The following RYR3 variants were observed in gnomAD, a reference collection of about 807,000 sequenced individuals.
RYR3 encodes the protein brain ryanodine receptor-calcium release channel.
A neutral mutation model predicts 584.3 loss-of-function variants in RYR3; 207 were observed. The observed-to-expected ratio is 0.35, with a 90% confidence interval of 0.32 to 0.40. RYR3 has a LOEUF of 0.40. RYR3 is among the 10% of genes least tolerant of loss of function. The pLI, the probability that RYR3 is intolerant of heterozygous loss-of-function variation, is 1.00. For synonymous variants in RYR3, 2,416 were observed against 2,248.5 expected (o/e 1.07, Z -2.11); for missense variants, 5,616 against 6,089.2 (o/e 0.92, Z 2.59).
intron 67 of RYR3, among the ~76,000 whole-genome samples, chr15:33,795,327 T>G (rs556274537): frequency 6.6e-6 from 1 of 152,008 alleles, no homozygotes; most frequent in South Asian, 2.1e-4. Flanking sequence ...GTGCTTCGTT[T>G]CCGCATGCCA....
Position 33,678,358 on chromosome 15 carries a change from C to T in RYR3, c.5860+7802C>T, listed in dbSNP as rs115215698. On this transcript the variant is annotated intron_variant, in intron 38 of 103. Coordinates refer to ENST00000634891, the MANE Select transcript of RYR3 (RefSeq NM_001036.6). ...TCTGGTTGTTTGAAAGTGTATAGTTCTTCCCCCTTCATACGCACTCTCTCT... is the reference window on the plus strand; with the variant it reads ...TCTGGTTGTTTGAAAGTGTATAGTTTTTCCCCCTTCATACGCACTCTCTCT... Among the ~76,000 whole-genome samples the T allele has an allele frequency of 8.6e-3, 1,307 of 152,240 alleles. 19 individuals are homozygous for T. The highest frequency in any genetic ancestry group is 0.03 in the African/African-American group (1,229 of 41,542).
At chr15:33,557,678 C>T (rs1486243807) in intron 10 of RYR3, among the ~76,000 whole-genome samples, 3 of 152,126 alleles carry the variant, frequency 2.0e-5, no homozygotes, top group African/African-American at 4.8e-5. Flanking sequence ...CCACCATGCC[C>T]GGCCGGGTTC....
chr15:33,352,604 G>A (rs1426162606), intron 1 of RYR3, among the ~76,000 whole-genome samples: 2 of 152,112 alleles, frequency 1.3e-5, no homozygotes, highest in Non-Finnish European at 2.9e-5. Flanking sequence ...TCAGCTGCGT[G>A]GCTTTAAAAA....
chr15:33,852,671 C>T, intron 94 of RYR3: 1 of 190,380 alleles, frequency 5.3e-6, no homozygotes, highest in South Asian at 9.0e-5. Context: ...AGTAGTGACT[C>T]ATTGAATGGA....
At chr15:33,350,643 C>G (rs1567074737) in intron 1 of RYR3, among the ~76,000 whole-genome samples, 1 of 151,882 alleles carries the variant, frequency 6.6e-6, no homozygotes. Context: ...AACTGAACAA[C>G]CTGCTCCTGA....
intron 67 of RYR3, among the ~76,000 whole-genome samples, chr15:33,799,153 C>T (rs958041895): frequency 6.6e-6 from 1 of 152,164 alleles, no homozygotes; most frequent in African/African-American, 2.4e-5. Flanking sequence ...TGGCACAGAG[C>T]TCCCAAAACT....
At chr15:33,739,756 G>A (rs1280199057) in intron 50 of RYR3, 76 bp from the exon 51 acceptor site, 2 of 1,253,874 alleles carry the variant, frequency 1.6e-6, no homozygotes, top group African/African-American at 3.0e-5. Flanking sequence ...TCTGTTTTCA[G>A]CTGATTGGTG....
chr15:33,798,061 C>G (rs115898150), intron 67 of RYR3, among the ~76,000 whole-genome samples: 2,650 of 147,948 alleles, frequency 0.018, 74 homozygotes, highest in African/African-American at 0.06. Context: ...CGTTAGAAAG[C>G]CTCATGCCTT....
At chr15:33,813,324 T>TA in intron 73 of RYR3, 143 bp from the exon 74 acceptor site, 1 of 688,520 alleles carries the variant, frequency 1.5e-6, no homozygotes, top group Non-Finnish European at 2.5e-6. Flanking sequence ...ACAACTGAAA[T>TA]CATCTGCTCC....
At chr15:33,840,922 G>A in intron 90 of RYR3, 39 bp downstream of exon 90, 1 of 1,595,990 alleles carries the variant, frequency 6.3e-7, no homozygotes, top group Admixed American at 1.7e-5. Context: ...CATTGCTATG[G>A]TAGATAATTC....
At chr15:33,649,311 ACACC>A in intron 31 of RYR3, 76 bp downstream of exon 31, 2 of 1,387,604 alleles carry the variant, frequency 1.4e-6, no homozygotes, top group Non-Finnish European at 2.0e-6. Flanking sequence ...CTTCCACCCC[ACACC>A]CAAAGAAGGA....
chr15:33,757,426 A>G (rs1322743761), intron 59 of RYR3, 49 bp from the exon 60 acceptor site: 1 of 1,568,260 alleles, frequency 6.4e-7, no homozygotes, highest in Non-Finnish European at 8.7e-7. Flanking sequence ...GAACCAAATG[A>G]AGAGTTTTGG....
chr15:33,845,164 G>A, intron 93 of RYR3, 102 bp downstream of exon 93: 1 of 1,209,122 alleles, frequency 8.3e-7, no homozygotes. Flanking sequence ...TAGCCGTAAA[G>A]GCCTTCGTAA....
chr15:33,491,548 T>C (rs1836549), intron 2 of RYR3, among the ~76,000 whole-genome samples: 2,391 of 152,310 alleles, frequency 0.016, 59 homozygotes, highest in African/African-American at 0.055. Flanking sequence ...CTGCCTAGTG[T>C]TGCCAAGTGA....
chr15:33,760,282 A>G (rs2072298451), intron 60 of RYR3, among the ~76,000 whole-genome samples: 1 of 152,242 alleles, frequency 6.6e-6, no homozygotes, highest in Admixed American at 6.5e-5. Context: ...CACAGAGAAC[A>G]ATGGTAACCT....
Position 33,601,412 on chromosome 15 carries a change from G to C in RYR3, c.1789-7G>C. 6.2e-7 allele frequency: 1 copy of C among 1,611,576 alleles called. No individual in the cohort carries two copies. ...TCCTAAGGTTTGGTGGGTGTGTCCTGCTGCAGGTTCTGGATATCCTGTGCT... is the reference window on the plus strand; with the variant it reads ...TCCTAAGGTTTGGTGGGTGTGTCCTCCTGCAGGTTCTGGATATCCTGTGCT... On this transcript the variant is annotated splice_region_variant and splice_polypyrimidine_tract_variant and intron_variant, in intron 16 of 103. Coordinates refer to ENST00000634891, the MANE Select transcript of RYR3 (RefSeq NM_001036.6).
At position 33,563,029 on chromosome 15, in the gene RYR3, GTC is replaced by G. The variant is rs2057496197; in HGVS notation, c.1146+21_1146+22del. On this transcript the variant is annotated intron_variant, in intron 11 of 103. Coordinates refer to ENST00000634891, the MANE Select transcript of RYR3 (RefSeq NM_001036.6). ...AAGAAAGGTGAGAGTCAGAATATCTGTCTACAATTGTTTTACCCTGAGTTGGA... is the reference window on the plus strand; with the variant it reads ...AAGAAAGGTGAGAGTCAGAATATCTGTACAATTGTTTTACCCTGAGTTGGA... 6.3e-7 allele frequency: 1 copy of G among 1,589,620 alleles called. No individual in the cohort carries two copies. The highest frequency in any genetic ancestry group is 8.6e-7 in the Non-Finnish European group (1 of 1,166,354).
Position 33,853,091 on chromosome 15 carries a change from T to A in RYR3, c.13671+4T>A. 1 of 1,590,720 alleles carries A rather than the reference T, an allele frequency of 6.3e-7. No homozygotes were observed. The highest frequency in any genetic ancestry group is 2.3e-5 in the East Asian group (1 of 44,388). On this transcript the variant is annotated splice_donor_region_variant and intron_variant, in intron 95 of 103. Coordinates refer to ENST00000634891, the MANE Select transcript of RYR3 (RefSeq NM_001036.6). ...GGACAAGTTTGTAAAGAGAAAGGTA[T>A]GCCTTGTTAGTGGGGGTGAGTTCCG...
chr15:33,679,956 T>C (rs1566939281), intron 38 of RYR3, among the ~76,000 whole-genome samples: 1 of 152,168 alleles, frequency 6.6e-6, no homozygotes, highest in Non-Finnish European at 1.5e-5. Flanking sequence ...TTTTTCTGAG[T>C]TTTATGGAGC....
Sources: gnomAD v4.1 joint callset for allele counts (sites outside exome capture counted in the v4.1 genomes callset) on GRCh38, gnomAD v4.1.1 for gene constraint, MANE v1.5 for transcripts, NCBI Gene and HGNC (gene_info 2026-07-23, HGNC 2026-07-21) for gene names.